COL4A4: variants seen among roughly 807,000 people sequenced by gnomAD.
COL4A4 encodes collagen type IV alpha 4 chain.
In COL4A4, 105 loss-of-function variants were observed where a neutral mutation model predicts 192.9. The ratio of observed to expected loss-of-function variants is 0.54; its 90% CI spans 0.46 to 0.64. The LOEUF (loss-of-function observed/expected upper bound fraction) is 0.64. COL4A4 is among the 30% of genes least tolerant of loss of function. The pLI is 0.00. For synonymous variants in COL4A4, 762 were observed against 769.9 expected, an observed-to-expected ratio of 0.99 and a Z score of 0.17; for missense variants, 1,967 against 2,169.3, an observed-to-expected ratio of 0.91 and a Z score of 1.85.
chr2:227,036,826 T>C (rs1162992070), intron 37 of COL4A4, among the ~76,000 whole-genome samples: 1 of 152,100 alleles, frequency 6.6e-6, no homozygotes, highest in African/African-American at 2.4e-5. Flanking sequence ...GGAGAATATT[T>C]CCATGATGTT....
At chr2:227,088,212 G>A (rs1000801231) in intron 22 of COL4A4, among the ~76,000 whole-genome samples, 4 of 152,236 alleles carry the variant, frequency 2.6e-5, no homozygotes, top group African/African-American at 9.6e-5. Context: ...AAATTAGAAA[G>A]AGGCACCTCG....
the COL4A4 span, among the ~76,000 whole-genome samples, chr2:226,972,202 G>A: frequency 6.6e-6 from 1 of 152,134 alleles, no homozygotes; most frequent in Admixed American, 6.5e-5. Flanking sequence ...TCCTGTGTTA[G>A]TTTGCTGAGA....
At chr2:227,036,301 GCT>G (rs1436641696) in intron 37 of COL4A4, among the ~76,000 whole-genome samples, 1 of 152,086 alleles carries the variant, frequency 6.6e-6, no homozygotes, top group Non-Finnish European at 1.5e-5. Context: ...CCACTCTCAG[GCT>G]GTATTTTGTT....
chr2:227,056,731 A>T (rs1305925719), intron 29 of COL4A4, among the ~76,000 whole-genome samples: 2 of 152,242 alleles, frequency 1.3e-5, no homozygotes, highest in Non-Finnish European at 2.9e-5. Flanking sequence ...TTAAAAGGTG[A>T]ACACTTGGGG....
intron 35 of COL4A4, among the ~76,000 whole-genome samples, chr2:227,045,357 G>A (rs1972254560): frequency 6.6e-6 from 1 of 152,080 alleles, no homozygotes; most frequent in Admixed American, 6.6e-5. Flanking sequence ...TTGAGCCACC[G>A]ATTTTTCCCT....
In COL4A4 at chr2:227,028,013, A is replaced by T. The variant is rs1478714130; in HGVS notation, c.3974-4T>A. The T allele has an allele frequency of 6.5e-7, 1 of 1,542,670 alleles. No individual in the cohort carries two copies. Among genetic ancestry groups the T allele is most frequent in the South Asian group, 1.2e-5 (1 of 86,816 alleles). On this transcript the variant is annotated splice_polypyrimidine_tract_variant and splice_region_variant and intron_variant, in intron 41 of 47. Transcript: ENST00000396625. ...GGTCCCGGGAATCCCACTGGTCCTT[A>T]AAAAAAAACAAAACATAAAAATGAG...
chr2:226,994,145 A>G, the COL4A4 span, among the ~76,000 whole-genome samples: 2 of 152,160 alleles, frequency 1.3e-5, no homozygotes, highest in African/African-American at 4.8e-5. Context: ...TTCATGGGCA[A>G]TGAGTTGTGT....
chr2:227,042,235 G>C lies in COL4A4; in HGVS notation c.3418C>G (p.Leu1140Val), dbSNP rs1255850500. ...GCPGDHGMPG[L>V]RGQPGEMGDP... ...CCCATTTCTCCTGGCTGTCCCCTCA[G>C]CCCAGGCATCCCGTGATCACCTGAG... is the stretch of plus-strand genomic sequence containing the variant. The change falls in exon 37 of 48, where the codon CTG becomes GTG. Residue 1140 changes from leucine (L) to valine (V), a missense_variant. Transcript: ENST00000396625. 3 of 1,612,810 alleles carry C rather than the reference G, an allele frequency of 1.9e-6. No homozygotes were observed. Among genetic ancestry groups the C allele is most frequent in the Non-Finnish European group, 2.5e-6 (3 of 1,178,978 alleles).
chr2:227,072,729 A>T (rs2058793885), intron 25 of COL4A4, among the ~76,000 whole-genome samples: 1 of 152,046 alleles, frequency 6.6e-6, no homozygotes, highest in African/African-American at 2.4e-5. Context: ...CATCCCAGGG[A>T]TGTAGGGATG....
At chr2:226,968,441 C>G in the COL4A4 span, among the ~76,000 whole-genome samples, 1 of 152,184 alleles carries the variant, frequency 6.6e-6, no homozygotes, top group Non-Finnish European at 1.5e-5. Context: ...CAGCTCTGCT[C>G]TTAAGGCCTT....
chr2:227,088,587 T>C, intron 22 of COL4A4, 66 bp downstream of exon 22: 1 of 1,569,892 alleles, frequency 6.4e-7, no homozygotes, highest in Non-Finnish European at 8.8e-7. Flanking sequence ...ATCTTTATGG[T>C]AGTGTGAAAA....
chr2:226,972,942 A>AC, the COL4A4 span, among the ~76,000 whole-genome samples: 687 of 151,894 alleles, frequency 4.5e-3, 6 homozygotes, highest in African/African-American at 0.016. Flanking sequence ...AAAAAAAAAA[A>AC]AAACAAAAAA....
chr2:227,031,713 T>C (rs1356698339), intron 40 of COL4A4, among the ~76,000 whole-genome samples: 6 of 151,890 alleles, frequency 4.0e-5, no homozygotes, highest in Non-Finnish European at 5.9e-5. Flanking sequence ...GAGACGAGGG[T>C]CTAACAGAGC....
chr2:227,011,826 C>G (rs1448318910), intron 45 of COL4A4, among the ~76,000 whole-genome samples: 2 of 152,218 alleles, frequency 1.3e-5, no homozygotes, highest in African/African-American at 4.8e-5. Context: ...AGGTCTTCAT[C>G]ACAGCCTCTT....
At chr2:227,001,093 CTTTTT>C (rs776966537), downstream of COL4A4, among the ~76,000 whole-genome samples, 1 of 150,078 alleles carries the variant, frequency 6.7e-6, no homozygotes, top group South Asian at 2.1e-4. Context: ...CATTTCTTTT[CTTTTT>C]TCTTTTTTTT....
intron 1 of COL4A4, among the ~76,000 whole-genome samples, chr2:227,160,569 A>G (rs2064745312): frequency 1.3e-5 from 2 of 152,142 alleles, no homozygotes; most frequent in Admixed American, 1.3e-4. Flanking sequence ...CCACCTCCCC[A>G]TGTCCCGTGA....
At chr2:227,056,998 A>G (rs943428575) in intron 29 of COL4A4, among the ~76,000 whole-genome samples, 1 of 152,202 alleles carries the variant, frequency 6.6e-6, no homozygotes, top group Non-Finnish European at 1.5e-5. Flanking sequence ...ACCTTGTATT[A>G]GGAGACACTC....
intron 4 of COL4A4, among the ~76,000 whole-genome samples, chr2:227,138,505 C>A (rs2062975356): frequency 6.6e-6 from 1 of 151,488 alleles, no homozygotes; most frequent in Non-Finnish European, 1.5e-5. Context: ...TGGTGGCGGG[C>A]GCCTGTAGTC....
At chr2:227,104,595 A>G (rs1415108565) in intron 12 of COL4A4, among the ~76,000 whole-genome samples, 2 of 148,908 alleles carry the variant, frequency 1.3e-5, no homozygotes, top group African/African-American at 4.9e-5. Flanking sequence ...AAATAAATAA[A>G]TAAATAAAAA....
Sources: allele counts gnomAD v4.1 joint callset (sites outside exome capture counted in the v4.1 genomes callset), GRCh38; gene constraint gnomAD v4.1.1; transcripts MANE v1.5; gene names NCBI Gene and HGNC (gene_info 2026-07-23, HGNC 2026-07-21).